RBMS3: variants seen among roughly 807,000 people sequenced by gnomAD.
RBMS3 encodes RNA binding motif single stranded interacting protein 3, also known as RNA-binding motif, single-stranded-interacting protein 3.
A neutral mutation model predicts 66.8 loss-of-function variants in RBMS3; 27 were observed. The observed-to-expected ratio is 0.40, with a 90% CI of 0.30 to 0.56. The LOEUF is 0.56. RBMS3 is among the 20% of genes least tolerant of loss of function. The pLI is 0.40. For synonymous variants in RBMS3, 188 were observed against 183.0 expected (o/e 1.03, Z -0.22); for missense variants, 513 against 549.5 (o/e 0.93, Z 0.66).
At chr3:29,563,447 C>T (rs573968098) in intron 3 of RBMS3, among the ~76,000 whole-genome samples, 15 of 152,284 alleles carry the variant, frequency 9.9e-5, no homozygotes, top group African/African-American at 3.6e-4. Context: ...GACATTTCTG[C>T]AGTGGGTAAA....
intron 4 of RBMS3, among the ~76,000 whole-genome samples, chr3:29,725,427 A>T (rs1394759697): frequency 1.3e-5 from 2 of 152,190 alleles, no homozygotes; most frequent in Non-Finnish European, 2.9e-5. Context: ...TGAATCCAGG[A>T]GCTGGTTTTT....
At chr3:29,368,243 A>G (rs2038011698) in intron 1 of RBMS3, among the ~76,000 whole-genome samples, 1 of 152,204 alleles carries the variant, frequency 6.6e-6, no homozygotes, top group Non-Finnish European at 1.5e-5. Context: ...AAAAACCATC[A>G]AGGTCTGTGC....
At chr3:29,605,367 T>C (rs535659476) in intron 4 of RBMS3, among the ~76,000 whole-genome samples, 1 of 152,056 alleles carries the variant, frequency 6.6e-6, no homozygotes, top group South Asian at 2.1e-4. Flanking sequence ...CATTTCAATA[T>C]ATAGAATCAT....
chr3:29,525,634 A>C (rs189854269), intron 3 of RBMS3, among the ~76,000 whole-genome samples: 1 of 152,282 alleles, frequency 6.6e-6, no homozygotes, highest in East Asian at 1.9e-4. Flanking sequence ...TTGGTTTGTA[A>C]TTCCACTCCC....
intron 4 of RBMS3, among the ~76,000 whole-genome samples, chr3:29,608,567 A>T (rs1043023125): frequency 6.6e-6 from 1 of 152,066 alleles, no homozygotes; most frequent in Non-Finnish European, 1.5e-5. Context: ...AGATGACAGA[A>T]TATACTTCTT....
intron 2 of RBMS3, among the ~76,000 whole-genome samples, chr3:29,455,094 A>G (rs1169973306): frequency 1.3e-5 from 2 of 152,136 alleles, no homozygotes; most frequent in African/African-American, 4.8e-5. Context: ...AGAAACTCAC[A>G]TGCATTTCAT....
intron 4 of RBMS3, among the ~76,000 whole-genome samples, chr3:29,683,637 T>G (rs549740291): frequency 6.6e-6 from 1 of 152,202 alleles, no homozygotes; most frequent in East Asian, 1.9e-4. Context: ...GAAGAAACAT[T>G]TTATTTAATC....
intron 5 of RBMS3, among the ~76,000 whole-genome samples, chr3:29,745,233 A>G (rs896038652): frequency 4.1e-5 from 6 of 146,302 alleles, no homozygotes; most frequent in African/African-American, 1.5e-4. Context: ...ATTTTATTTT[A>G]TTTTGTGTGT....
chr3:29,542,259 A>C (rs9813273), intron 3 of RBMS3, among the ~76,000 whole-genome samples: 26,967 of 152,082 alleles, frequency 0.18, 4,398 homozygotes, highest in African/African-American at 0.42. Flanking sequence ...AAATGTAGAA[A>C]GTGATGTCTT....
chr3:29,535,613 C>G (rs1035957656), intron 3 of RBMS3, among the ~76,000 whole-genome samples: 3 of 149,152 alleles, frequency 2.0e-5, no homozygotes, highest in African/African-American at 7.4e-5. Context: ...TCAACATTCT[C>G]TAGAAGCACT....
At chr3:29,415,870 T>G (rs1211192576) in intron 1 of RBMS3, among the ~76,000 whole-genome samples, 1 of 152,028 alleles carries the variant, frequency 6.6e-6, no homozygotes, top group Non-Finnish European at 1.5e-5. Context: ...ATTCAAGGCA[T>G]AATGTAGGAT....
intron 4 of RBMS3, among the ~76,000 whole-genome samples, chr3:29,655,431 G>A (rs185582097): frequency 2.6e-4 from 39 of 152,264 alleles, no homozygotes; most frequent in Non-Finnish European, 4.7e-4. Flanking sequence ...AAGATGTTTC[G>A]GTTAAGGACA....
chr3:29,609,566 A>G (rs954154922), intron 4 of RBMS3, among the ~76,000 whole-genome samples: 5 of 151,982 alleles, frequency 3.3e-5, no homozygotes, highest in African/African-American at 1.2e-4. Flanking sequence ...CCATACACAA[A>G]TAATACTAGT....
At chr3:29,285,188 A>G (rs1299752538) in intron 1 of RBMS3, among the ~76,000 whole-genome samples, 2 of 133,254 alleles carry the variant, frequency 1.5e-5, no homozygotes, top group Non-Finnish European at 3.1e-5. Context: ...GACTTATGAG[A>G]TCCCAGCTGA....
At chr3:29,734,916 C>T (rs998392440) in intron 4 of RBMS3, among the ~76,000 whole-genome samples, 2 of 152,026 alleles carry the variant, frequency 1.3e-5, no homozygotes, top group Non-Finnish European at 2.9e-5. Context: ...GAAATAAAAA[C>T]AGTTCACACT....
intron 12 of RBMS3, among the ~76,000 whole-genome samples, chr3:29,965,002 G>A (rs1696732645): frequency 6.6e-6 from 1 of 152,044 alleles, no homozygotes; most frequent in African/African-American, 2.4e-5. Context: ...ACCTCACTTA[G>A]AATAATAGTC....
intron 2 of RBMS3, among the ~76,000 whole-genome samples, chr3:29,437,042 G>A (rs1309417192): frequency 6.6e-6 from 1 of 152,126 alleles, no homozygotes; most frequent in East Asian, 1.9e-4. Context: ...AGACTGGGTT[G>A]GTTTTTATTA....
At chr3:29,696,245 A>G (rs1051226559) in intron 4 of RBMS3, among the ~76,000 whole-genome samples, 1 of 152,066 alleles carries the variant, frequency 6.6e-6, no homozygotes, top group African/African-American at 2.4e-5. Context: ...AGTTTTTTTC[A>G]TCTTTAAAAT....
At chr3:29,594,692 C>G (rs148239879) in intron 4 of RBMS3, among the ~76,000 whole-genome samples, 1 of 152,218 alleles carries the variant, frequency 6.6e-6, no homozygotes, top group African/African-American at 2.4e-5. Flanking sequence ...TTGTGAATAT[C>G]TGCTTTGTTG....
Sources: allele counts gnomAD v4.1 joint callset (sites outside exome capture counted in the v4.1 genomes callset), GRCh38; gene constraint gnomAD v4.1.1; transcripts MANE v1.5; gene names NCBI Gene and HGNC (gene_info 2026-07-23, HGNC 2026-07-21).